The following SLC25A48 variants were observed in gnomAD, a reference collection of about 807,000 sequenced individuals.
The protein encoded by SLC25A48 is solute carrier family 25 member 48, also known as CTC-321K16.1.
SLC25A48 carries 29 observed loss-of-function variants against 32.2 expected under a neutral mutation model. That is an observed-to-expected ratio of 0.90 (90% CI 0.67 to 1.23). SLC25A48 has a LOEUF of 1.23. Among genes scored for constraint, SLC25A48 ranks in the 50% most tolerant of loss-of-function variants. The pLI is 0.00. For synonymous variants in SLC25A48, 164 were observed against 172.3 expected (o/e 0.95, Z 0.38); for missense variants, 399 against 422.7 (o/e 0.94, Z 0.49).
rs1156726500 is a variant in SLC25A48, at chr5:135,754,550, T to C, written c.-520-57973T>C. On this transcript the variant is annotated intron_variant, in intron 3 of 10. Coordinates refer to the SLC25A48 transcript ENST00000646290. Reference sequence around the variant, plus strand: ...AGTATCATTCTGATATAATATCCAATGATTACACACTATGATATGAATGAA... The same window carrying C: ...AGTATCATTCTGATATAATATCCAACGATTACACACTATGATATGAATGAA... Among the ~76,000 whole-genome samples the C allele has an allele frequency of 2.0e-5, 3 of 152,000 alleles. No individual in the cohort carries two copies. In the East Asian group the frequency reaches 5.8e-4, roughly 29 times the overall value.
At chr5:135,853,146 A>T (rs1369902340) in intron 4 of SLC25A48, among the ~76,000 whole-genome samples, 1 of 152,244 alleles carries the variant, frequency 6.6e-6, no homozygotes, top group Admixed American at 6.5e-5. Flanking sequence ...ATACTTTAGT[A>T]CTAAAAATTA....
At chr5:135,596,616 C>T (rs1368229729) in intron 1 of SLC25A48, among the ~76,000 whole-genome samples, 4 of 152,138 alleles carry the variant, frequency 2.6e-5, no homozygotes, top group Non-Finnish European at 4.4e-5. Context: ...CTCAGTTGTC[C>T]GTGGGGCTGC....
intron 3 of SLC25A48, among the ~76,000 whole-genome samples, chr5:135,743,621 A>AT (rs774027438): frequency 6.6e-6 from 1 of 152,240 alleles, no homozygotes; most frequent in Non-Finnish European, 1.5e-5. Context: ...AAAATGTCTC[A>AT]TTACTGCTCA....
intron 3 of SLC25A48, among the ~76,000 whole-genome samples, chr5:135,725,643 C>T (rs10515477): frequency 0.41 from 61,984 of 151,972 alleles, 14,530 homozygotes; most frequent in Non-Finnish European, 0.53. Flanking sequence ...GTTTCCCTCT[C>T]GTGGGCTCCT....
At chr5:135,650,558 C>A in intron 3 of SLC25A48, 2 of 253,634 alleles carry the variant, frequency 7.9e-6, no homozygotes, top group Non-Finnish European at 1.4e-5. Context: ...TGGAGTGGAA[C>A]TAAAAAAAAA....
At chr5:135,792,818 A>C (rs190181696) in intron 3 of SLC25A48, among the ~76,000 whole-genome samples, 1 of 151,486 alleles carries the variant, frequency 6.6e-6, no homozygotes, top group African/African-American at 2.4e-5. Context: ...TATTATTCCT[A>C]ATATTACAGT....
chr5:135,746,050 C>T (rs893145501), intron 3 of SLC25A48, among the ~76,000 whole-genome samples: 4 of 152,170 alleles, frequency 2.6e-5, no homozygotes, highest in Admixed American at 6.5e-5. Flanking sequence ...CTACAGTCCT[C>T]CTCCCTGTCA....
At chr5:135,800,258 G>A (rs1757288293) in intron 3 of SLC25A48, among the ~76,000 whole-genome samples, 1 of 151,860 alleles carries the variant, frequency 6.6e-6, no homozygotes, top group Non-Finnish European at 1.5e-5. Flanking sequence ...TCCAGAAAAG[G>A]AGAGTTTGAT....
At chr5:135,689,988 G>A (rs1230784052) in intron 3 of SLC25A48, among the ~76,000 whole-genome samples, 1 of 152,152 alleles carries the variant, frequency 6.6e-6, no homozygotes. Flanking sequence ...AGCAAGGGGC[G>A]CTGAGGAAAG....
At chr5:135,801,356 G>A (rs2159660) in intron 3 of SLC25A48, among the ~76,000 whole-genome samples, 97,693 of 150,730 alleles carry the variant, frequency 0.65, 33,912 homozygotes, top group Non-Finnish European at 0.78. Context: ...AAAAGGGGAT[G>A]ATATCACTCT....
intron 1 of SLC25A48, chr5:135,601,082 A>C (rs906576361): frequency 1.1e-4 from 16 of 152,150 alleles, no homozygotes; most frequent in African/African-American, 3.6e-4. Flanking sequence ...GTGGGAAGTC[A>C]AAAAACCAAC....
chr5:135,775,380 T>G (rs1223351192), intron 3 of SLC25A48, among the ~76,000 whole-genome samples: 1 of 151,438 alleles, frequency 6.6e-6, no homozygotes, highest in Non-Finnish European at 1.5e-5. Context: ...TAATATCAAG[T>G]GGGGGAGAGG....
chr5:135,828,652 C>T (rs1758127296), intron 4 of SLC25A48, among the ~76,000 whole-genome samples: 1 of 152,234 alleles, frequency 6.6e-6, no homozygotes, highest in African/African-American at 2.4e-5. Context: ...TATGGAGGTT[C>T]ATCCAGGTGA....
At chr5:135,731,610 A>T (rs1350464479) in intron 3 of SLC25A48, among the ~76,000 whole-genome samples, 2 of 152,196 alleles carry the variant, frequency 1.3e-5, no homozygotes, top group Non-Finnish European at 2.9e-5. Context: ...AGCATTTGTC[A>T]TATAGAATGA....
intron 3 of SLC25A48, among the ~76,000 whole-genome samples, chr5:135,743,972 A>G (rs181738083): frequency 6.6e-6 from 1 of 152,330 alleles, no homozygotes; most frequent in Non-Finnish European, 1.5e-5. Context: ...TTACAAGCTT[A>G]TCTTCTCACA....
At chr5:135,818,314 GTCC>G (rs927544406) in intron 4 of SLC25A48, among the ~76,000 whole-genome samples, 1 of 152,134 alleles carries the variant, frequency 6.6e-6, no homozygotes, top group African/African-American at 2.4e-5. Context: ...CAGAAAAGCA[GTCC>G]TCTAATTCTG....
intron 3 of SLC25A48, among the ~76,000 whole-genome samples, chr5:135,647,982 G>A (rs1220266658): frequency 2.6e-5 from 4 of 152,146 alleles, no homozygotes; most frequent in African/African-American, 9.7e-5. Context: ...AGGGCCTCCT[G>A]GTGTCTTCTG....
chr5:135,742,593 C>T, intron 3 of SLC25A48: 2 of 963,746 alleles, frequency 2.1e-6, no homozygotes, highest in Non-Finnish European at 3.2e-6. Context: ...TCTATAGCTG[C>T]AAAGAAAGCC....
chr5:135,721,068 GTC>G (rs1371814800), intron 3 of SLC25A48, among the ~76,000 whole-genome samples: 1 of 151,758 alleles, frequency 6.6e-6, no homozygotes, highest in African/African-American at 2.4e-5. Context: ...TTGAGGCAGA[GTC>G]TCTCTCTGTC....
Sources: allele counts gnomAD v4.1 joint callset (sites outside exome capture counted in the v4.1 genomes callset), GRCh38; gene constraint gnomAD v4.1.1; transcripts MANE v1.5; gene names NCBI Gene and HGNC (gene_info 2026-07-23, HGNC 2026-07-21).